Variants in IQCJ observed in about 807,000 individuals in gnomAD.
The protein encoded by IQCJ is IQ domain-containing protein J.
IQCJ carries 9 observed loss-of-function variants against 11.0 expected under a neutral mutation model. The ratio of observed to expected loss-of-function variants is 0.82; its 90% CI spans 0.49 to 1.43. The LOEUF (loss-of-function observed/expected upper bound fraction) is 1.43, where lower values mean the gene tolerates loss of function less well. IQCJ is among the 40% of genes most tolerant of loss of function. The pLI is 0.00. For synonymous variants in IQCJ, 55 were observed against 51.3 expected, an observed-to-expected ratio of 1.07 and a Z score of -0.31; for missense variants, 146 against 133.2, an observed-to-expected ratio of 1.10 and a Z score of -0.47.
At chr3:159,115,376 T>G (rs528895932) in intron 1 of IQCJ, among the ~76,000 whole-genome samples, 1 of 152,300 alleles carries the variant, frequency 6.6e-6, no homozygotes, top group South Asian at 2.1e-4. Flanking sequence ...ACAAGTGGTA[T>G]ATCTAATTTC....
At chr3:159,112,720 G>A (rs889000375) in intron 1 of IQCJ, among the ~76,000 whole-genome samples, 4 of 152,296 alleles carry the variant, frequency 2.6e-5, no homozygotes, top group African/African-American at 9.6e-5. Flanking sequence ...TCAGCTATGG[G>A]AGACACAAAC....
intron 1 of IQCJ, among the ~76,000 whole-genome samples, chr3:159,073,144 A>G (rs1253622774): frequency 6.6e-6 from 1 of 152,114 alleles, no homozygotes; most frequent in African/African-American, 2.4e-5. Flanking sequence ...AAGGAGTCTC[A>G]CAGTGGGCAG....
chr3:159,087,198 C>T (rs1006905709), intron 1 of IQCJ, among the ~76,000 whole-genome samples: 7 of 152,082 alleles, frequency 4.6e-5, no homozygotes, highest in African/African-American at 1.4e-4. Context: ...GTCTTTGGTT[C>T]TGTTTATATG....
chr3:159,084,889 G>T (rs1716600171), intron 1 of IQCJ, among the ~76,000 whole-genome samples: 2 of 148,348 alleles, frequency 1.3e-5, no homozygotes, highest in African/African-American at 5.0e-5. Context: ...CTAGTTACTT[G>T]TTATCAAGGG....
At chr3:159,246,788 A>C (rs1727298920) in intron 2 of IQCJ, among the ~76,000 whole-genome samples, 1 of 152,224 alleles carries the variant, frequency 6.6e-6, no homozygotes, top group African/African-American at 2.4e-5. Context: ...AGCTGTCCTC[A>C]AACATTTGAA....
At chr3:159,109,539 A>C (rs1718487524) in intron 1 of IQCJ, among the ~76,000 whole-genome samples, 1 of 151,340 alleles carries the variant, frequency 6.6e-6, no homozygotes, top group African/African-American at 2.4e-5. Flanking sequence ...AAAAAAAAAA[A>C]AAAAAAACCA....
intron 1 of IQCJ, among the ~76,000 whole-genome samples, chr3:159,200,720 G>C (rs982174117): frequency 6.6e-6 from 1 of 152,190 alleles, no homozygotes; most frequent in African/African-American, 2.4e-5. Context: ...CTTTCTCCTG[G>C]CTGTACTCGG....
chr3:159,193,515 A>T (rs1723807638), intron 1 of IQCJ, among the ~76,000 whole-genome samples: 1 of 151,978 alleles, frequency 6.6e-6, no homozygotes, highest in African/African-American at 2.4e-5. Flanking sequence ...CCTCTTCCCA[A>T]CTCTGCTTCA....
intron 1 of IQCJ, among the ~76,000 whole-genome samples, chr3:159,195,141 C>T (rs76245727): frequency 6.6e-5 from 10 of 152,004 alleles, no homozygotes; most frequent in South Asian, 2.1e-4. Flanking sequence ...CACTGGAGCA[C>T]GTTTCCATAT....
At chr3:159,143,191 C>T (rs73027684) in intron 1 of IQCJ, among the ~76,000 whole-genome samples, 4,955 of 152,266 alleles carry the variant, frequency 0.033, 281 homozygotes, top group African/African-American at 0.11. Context: ...GAAAAAATCA[C>T]AGCATCTTTG....
intron 1 of IQCJ, among the ~76,000 whole-genome samples, chr3:159,232,044 G>C (rs547767701): frequency 3.4e-4 from 51 of 152,184 alleles, no homozygotes; most frequent in African/African-American, 1.1e-3. Context: ...AGTCTGGCTA[G>C]TGGTCTATCT....
At chr3:159,250,840 G>T (rs939041563) in intron 2 of IQCJ, among the ~76,000 whole-genome samples, 4 of 152,260 alleles carry the variant, frequency 2.6e-5, no homozygotes, top group Middle Eastern at 3.4e-3. Flanking sequence ...CCAGGATTAG[G>T]TTCCTCCGTG....
intron 1 of IQCJ, among the ~76,000 whole-genome samples, chr3:159,137,370 A>T (rs1720354281): frequency 6.6e-6 from 1 of 152,106 alleles, no homozygotes; most frequent in African/African-American, 2.4e-5. Context: ...TGACCTTCAC[A>T]CTTCTTTGAG....
intron 1 of IQCJ, among the ~76,000 whole-genome samples, chr3:159,114,764 G>A (rs1046212427): frequency 6.6e-5 from 10 of 152,172 alleles, no homozygotes; most frequent in Non-Finnish European, 1.3e-4. Flanking sequence ...CTTCAAAGCT[G>A]CTCCTGGTTT....
At chr3:159,083,049 G>C (rs1251500534) in intron 1 of IQCJ, among the ~76,000 whole-genome samples, 1 of 152,056 alleles carries the variant, frequency 6.6e-6, no homozygotes, top group Non-Finnish European at 1.5e-5. Context: ...CTCGGATGAG[G>C]TAAAGCCTTC....
At chr3:159,101,740 C>A (rs989032665) in intron 1 of IQCJ, among the ~76,000 whole-genome samples, 3 of 152,176 alleles carry the variant, frequency 2.0e-5, no homozygotes, top group Non-Finnish European at 4.4e-5. Flanking sequence ...CCAGATACAA[C>A]CCCAAGTCTT....
chr3:159,234,241 A>G (rs1331278929), intron 1 of IQCJ, among the ~76,000 whole-genome samples: 3 of 152,232 alleles, frequency 2.0e-5, no homozygotes, highest in Non-Finnish European at 2.9e-5. Context: ...CTTCTGTGAT[A>G]ATTTTTAAGA....
chr3:159,178,429 A>G (rs1577062844), intron 1 of IQCJ, among the ~76,000 whole-genome samples: 2 of 152,206 alleles, frequency 1.3e-5, no homozygotes, highest in East Asian at 3.8e-4. Flanking sequence ...CAGTCCTTCG[A>G]TCAGCCCAGA....
chr3:159,079,935 G>T (rs756035470), intron 1 of IQCJ, among the ~76,000 whole-genome samples: 2 of 151,980 alleles, frequency 1.3e-5, no homozygotes, highest in East Asian at 3.9e-4. Flanking sequence ...GGGTTTTGAT[G>T]TCAAATTGTC....
Sources: gnomAD v4.1 joint callset for allele counts (sites outside exome capture counted in the v4.1 genomes callset) on GRCh38, gnomAD v4.1.1 for gene constraint, MANE v1.5 for transcripts, NCBI Gene and HGNC (gene_info 2026-07-23, HGNC 2026-07-21) for gene names.